The following THBS3 variants were observed in gnomAD, a reference collection of about 807,000 sequenced individuals.
The protein encoded by THBS3 is thrombospondin-3.
Under a neutral mutation model 118.3 loss-of-function variants are expected in THBS3, and 78 were observed. The ratio of observed to expected loss-of-function variants is 0.66; its 90% CI spans 0.55 to 0.80. THBS3 has a LOEUF of 0.80. Ranked by LOEUF, THBS3 falls within the 30% of genes least tolerant of loss-of-function variation. The probability of loss-of-function intolerance (pLI) is 0.00; values close to 1 mark genes in which losing one functional copy is unlikely to be tolerated. For synonymous variants in THBS3, 427 were observed against 475.3 expected, an observed-to-expected ratio of 0.90 and a Z score of 1.32; for missense variants, 1,057 against 1,247.4, an observed-to-expected ratio of 0.85 and a Z score of 2.30.
intron 5 of THBS3, 71 bp downstream of exon 5, chr1:155,203,442 G>C: frequency 6.2e-7 from 1 of 1,601,780 alleles, no homozygotes; most frequent in Admixed American, 1.7e-5. Context: ...AGAGGACTTA[G>C]TTTCAGGCAG....
rs759712626 is a variant in THBS3, at chr1:155,197,609, T to G, written c.2353A>C (p.Thr785Pro). Residue 785 changes from threonine (T) to proline (P), a missense_variant, in exon 20 of 23, where the codon ACA becomes CCA. Physicochemically the swap from Thr to Pro is conservative, Grantham distance 38. Coordinates refer to ENST00000368378, the MANE Select transcript of THBS3 (RefSeq NM_007112.5). This position sits in a 1 kb window ranked among gnomAD's most constrained non-coding sequence, Gnocchi z 5.0. ...VDFEGTFHVN[T>P]VTDDDYAGFL... ...CCTGCGTAGTCATCATCAGTCACTG[T>G]GTTCACATGGAAGGTGCCTTCAAAG... 4 of 1,613,486 alleles carry G rather than the reference T, an allele frequency of 2.5e-6. No individual in the cohort carries two copies. The Admixed American group carries it at 6.7e-5, about 27-fold the overall frequency.
At chr1:155,196,384 T>G in intron 21 of THBS3, 1 of 539,180 alleles carries the variant, frequency 1.9e-6, no homozygotes, top group South Asian at 2.4e-5. Context: ...TGGGTTGCCA[T>G]GACAATAAGC....
At chr1:155,196,517 C>A in intron 21 of THBS3, 1 of 242,850 alleles carries the variant, frequency 4.1e-6, no homozygotes. Flanking sequence ...TTCCTGGACT[C>A]TGGGCTCTTG....
At position 155,203,389 on chromosome 1, in the gene THBS3, G is replaced by T. The variant is rs142293248; in HGVS notation, c.674-84C>A. 4,609 of 1,585,676 alleles carry T rather than the reference G, an allele frequency of 2.9e-3. 21 individuals carry two copies. Among genetic ancestry groups the T allele is most frequent in the Non-Finnish European group, 3.6e-3 (4,158 of 1,163,114 alleles). Reference sequence around the variant, plus strand: ...TGGGCAATAAGCCAGTACCTGCCACGGCTGCCCACCCCTGCCTTTAAACCT... The same window carrying T: ...TGGGCAATAAGCCAGTACCTGCCACTGCTGCCCACCCCTGCCTTTAAACCT... On this transcript the variant is annotated intron_variant, in intron 5 of 22. Transcript: ENST00000368378.
In THBS3 at chr1:155,203,090, C is replaced by T. The variant is rs1670031371; in HGVS notation, c.804G>A (p.Val268=). Residue 268 remains valine (V), a synonymous_variant, in exon 7 of 23, where the codon GTG becomes GTA. Transcript: ENST00000368378. ...LIRNTIMECQ[V]CGFHEQRSHC... Reference sequence around the variant, plus strand: ...CTCCCCTGCTCTCCCACTCACCGCACACCTGACACTCCATAATGGTGTTTC... The same window carrying T: ...CTCCCCTGCTCTCCCACTCACCGCATACCTGACACTCCATAATGGTGTTTC... 1 of 1,614,216 alleles carries T rather than the reference C, an allele frequency of 6.2e-7. No homozygotes were observed. The highest frequency in any genetic ancestry group is 8.5e-7 in the Non-Finnish European group (1 of 1,180,038).
At position 155,196,367 on chromosome 1, in the gene THBS3, C is replaced by T. The variant is rs1668673917; in HGVS notation, c.2673-241G>A. 1.3e-5 allele frequency: 7 copies of T among 553,792 alleles called. No individual in the cohort carries two copies. The South Asian group carries it at 1.4e-4, about 11-fold the overall frequency. The allele number at this position is 553,792 out of a possible 1,614,324, so 34.3% of individuals were successfully genotyped here. ...CTCAAAGCACCAGCCGCATTCCAAG[C>T]GAGGATTGGGTTGCCATGACAATAA... On this transcript the variant is annotated intron_variant, in intron 21 of 22. Coordinates refer to ENST00000368378, the MANE Select transcript of THBS3 (RefSeq NM_007112.5).
chr1:155,201,409 T>A lies in THBS3; in HGVS notation c.1329+8A>T, dbSNP rs1405568871. ...CCCTTTTCCTTCCACGCCTGAAGCC[T>A]AGCTCACCTGGCAGGACACTGCACC... On this transcript the variant is annotated splice_region_variant and intron_variant, in intron 11 of 22. Coordinates refer to ENST00000368378, the MANE Select transcript of THBS3 (RefSeq NM_007112.5). 5.0e-6 allele frequency: 8 copies of A among 1,594,226 alleles called. No homozygotes were observed. The highest frequency in any genetic ancestry group is 4.3e-6 in the Non-Finnish European group (5 of 1,169,536).
chr1:155,206,120 A>G lies in THBS3; in HGVS notation c.286+80T>C. 6.6e-7 allele frequency: 1 copy of G among 1,525,186 alleles called. No homozygotes were observed. Among genetic ancestry groups the G allele is most frequent in the Admixed American group, 1.7e-5 (1 of 58,174 alleles). 94.5% of individuals were successfully genotyped at this position (1,525,186 alleles called of 1,614,324 possible). The stretch of plus-strand genomic sequence containing the variant: ...TCCCTAGTGGAGGCCAAGGAGAATG[A>G]GGAAGCACTTGGGAAGTAGGGATGA... On this transcript the variant is annotated intron_variant, in intron 2 of 22. Coordinates refer to ENST00000368378, the MANE Select transcript of THBS3 (RefSeq NM_007112.5). This position sits in a 1 kb window ranked among gnomAD's most constrained non-coding sequence, Gnocchi z 4.2.
rs1670110693 is a variant in THBS3, at chr1:155,203,523, G to A, written c.663C>T (p.His221=). The A allele has an allele frequency of 2.0e-5, 33 of 1,613,830 alleles. No homozygotes were observed. The highest frequency in any genetic ancestry group is 2.5e-5 in the Non-Finnish European group (30 of 1,179,988). ...GTGTGGCCTACTCACCTAGAATGGA[G>A]TGCAGTGCATTGGTCACTGGAGAGG... ...SIHSAVTNAL[H]SILGEQTKAL... is the part of the protein sequence containing the mutation. The change falls in exon 5 of 23, where the codon CAC becomes CAT. Residue 221 remains histidine (H), a synonymous_variant. Transcript: ENST00000368378.
At position 155,199,816 on chromosome 1, in the gene THBS3, G is replaced by C; in HGVS notation, c.1868C>G (p.Thr623Ser). Residue 623 changes from threonine to serine, a missense_variant, in exon 16 of 23, where the codon ACT becomes AGT. Thr to Ser is a moderately conservative substitution (Grantham distance 58). Coordinates refer to ENST00000368378, the MANE Select transcript of THBS3 (RefSeq NM_007112.5). ...DSDLVGDVCD[T>S]NEDSDGDGHQ... ...ACCAAGACCTTACCTGTCTTCATTAGTATCACAGACATCCCCCACCAGGTC... is the reference window on the plus strand; with the variant it reads ...ACCAAGACCTTACCTGTCTTCATTACTATCACAGACATCCCCCACCAGGTC... The C allele has an allele frequency of 6.2e-7, 1 of 1,614,198 alleles. No homozygotes were observed.
At position 155,197,491 on chromosome 1, in the gene THBS3, G is replaced by A. The variant is rs760564474; in HGVS notation, c.2471C>T (p.Ala824Val). The part of the protein sequence containing the change: ...QTYWQATPFR[A>V]VAQPGLQLKA... ...GAGCTGCAGCCCGGGCTGGGCAACCGCCCGGAAGGGTGTAGCCTGCCAGTA... is the reference window on the plus strand; with the variant it reads ...GAGCTGCAGCCCGGGCTGGGCAACCACCCGGAAGGGTGTAGCCTGCCAGTA... The change falls in exon 20 of 23, where the codon GCG (alanine) becomes GTG (valine). Residue 824 changes from alanine (A) to valine (V), a missense_variant. Ala to Val is a moderately conservative substitution (Grantham distance 64). Around this residue, in one of 3 missense-constraint regions of THBS3, gnomAD observed 307 missense variants for 326.1 expected, o/e 0.94. Transcript: ENST00000368378. The surrounding 1 kb of genome is among the most constrained non-coding windows in gnomAD (Gnocchi z 5.0). 36 of 1,613,630 alleles carry A rather than the reference G, an allele frequency of 2.2e-5. No homozygotes were observed. The highest frequency in any genetic ancestry group is 5.5e-5 in the South Asian group (5 of 91,062).
Position 155,201,435 on chromosome 1 carries a change from A to C in THBS3, c.1311T>G (p.Asn437Lys). ...AGCTCACCTGGCAGGACACTGCACC[A>C]TTGCGTTCAAAGAGACAGTGAGCAT... ...HIHAHCLFER[N>K]GAVSCQCNVG... The change falls in exon 11 of 23, where the codon AAT becomes AAG. Residue 437 changes from asparagine (N) to lysine (K), a missense_variant. By Grantham distance (94) the Asn-to-Lys change is moderately conservative. Coordinates refer to ENST00000368378, the MANE Select transcript of THBS3 (RefSeq NM_007112.5). The C allele has an allele frequency of 6.2e-7, 1 of 1,609,816 alleles. No individual in the cohort carries two copies. Among genetic ancestry groups the C allele is most frequent in the East Asian group, 2.2e-5 (1 of 44,860 alleles).
Position 155,195,665 on chromosome 1 carries a change from ACTT to A in THBS3, c.*173_*175del. The A allele has an allele frequency of 1.6e-6, 1 of 642,942 alleles. No homozygotes were observed. The highest frequency in any genetic ancestry group is 1.8e-5 in the South Asian group (1 of 54,716). The allele number at this position is 642,942 out of a possible 1,614,324, so 39.8% of individuals were successfully genotyped here. ...AGTGCCTGAGTAATACCCCTTGAAA[ACTT>A]CTCATCCCCTGAAGGGTGGGGTGAC... On this transcript the variant is annotated 3_prime_UTR_variant, in exon 23 of 23. Coordinates refer to ENST00000368378, the MANE Select transcript of THBS3 (RefSeq NM_007112.5).
In THBS3 at chr1:155,203,290, G is replaced by A. The variant is rs756307254; in HGVS notation, c.689C>T (p.Ala230Val). ...LHSILGEQTK[A>V]LVTQLTLFNQ... Reference sequence around the variant, plus strand: ...GAAGAGGGTGAGTTGGGTGACCAGCGCCTTGGTCTGCTCCCCTGTCGGGAC... The same window carrying A: ...GAAGAGGGTGAGTTGGGTGACCAGCACCTTGGTCTGCTCCCCTGTCGGGAC... The change falls in exon 6 of 23, where the codon GCG (alanine) becomes GTG (valine). Residue 230 changes from alanine (A) to valine (V), a missense_variant. Physicochemically the swap from Ala to Val is moderately conservative, Grantham distance 64 (BLOSUM62 0). This residue lies in a region of THBS3 where 544 missense variants were observed against 715.6 expected (regional missense o/e 0.76). Coordinates refer to ENST00000368378, the MANE Select transcript of THBS3 (RefSeq NM_007112.5). 1.1e-5 allele frequency: 18 copies of A among 1,613,904 alleles called. No homozygotes were observed. Among genetic ancestry groups the A allele is most frequent in the Admixed American group, 1.7e-5 (1 of 59,982 alleles).
intron 5 of THBS3, 62 bp from the exon 6 acceptor site, chr1:155,203,367 G>T: frequency 6.3e-7 from 1 of 1,598,430 alleles, no homozygotes; most frequent in Non-Finnish European, 8.5e-7. Context: ...CCCTCCATGG[G>T]CAATAAGCCA....
rs199642826 is a variant in THBS3, at chr1:155,205,053, G to A, written c.543+7C>T. Reference sequence around the variant, plus strand: ...TCCACAGAACTCAGAGGCTCCTCCCGGCTCACCTGCATCCTCAAATACGCC... The same window carrying A: ...TCCACAGAACTCAGAGGCTCCTCCCAGCTCACCTGCATCCTCAAATACGCC... On this transcript the variant is annotated splice_region_variant and intron_variant, in intron 3 of 22. Transcript: ENST00000368378. 51 of 1,612,726 alleles carry A rather than the reference G, an allele frequency of 3.2e-5. No homozygotes were observed. The highest frequency in any genetic ancestry group is 4.4e-5 in the South Asian group (4 of 91,016).
Position 155,197,825 on chromosome 1 carries a change from GC to G in THBS3, c.2302+54del. 1.2e-6 allele frequency: 2 copies of G among 1,611,274 alleles called. No individual in the cohort carries two copies. Among genetic ancestry groups the G allele is most frequent in the Non-Finnish European group, 1.7e-6 (2 of 1,177,688 alleles). The stretch of plus-strand genomic sequence containing the variant: ...CTGTCTGTTTCCTCCCCTACCCTCT[GC>G]CCCTATAGGATTCCTCCATTTGGAA... On this transcript the variant is annotated intron_variant, in intron 19 of 22. Transcript: ENST00000368378. This position sits in a 1 kb window ranked among gnomAD's most constrained non-coding sequence, Gnocchi z 5.0.
chr1:155,206,525 C>A lies in THBS3; in HGVS notation c.80-119G>T. The A allele has an allele frequency of 1.2e-6, 1 of 864,808 alleles. No homozygotes were observed. Among genetic ancestry groups the A allele is most frequent in the Non-Finnish European group, 1.8e-6 (1 of 551,986 alleles). The allele number at this position is 864,808 out of a possible 1,614,324, so 53.6% of individuals were successfully genotyped here. A position where few individuals can be genotyped will look rare whatever the true frequency, so the allele number is the denominator to read the frequency against. ...AGGCAGCGTTAGTCACCTCAAAATT[C>A]AACCCTTGGCTGGGCATGGTGGCTC... On this transcript the variant is annotated intron_variant, in intron 1 of 22. Transcript: ENST00000368378. The surrounding 1 kb of genome is among the most constrained non-coding windows in gnomAD (Gnocchi z 4.2).
At chr1:155,196,261 A>C (rs1396955903) in intron 21 of THBS3, 135 bp from the exon 22 acceptor site, 15 of 1,121,260 alleles carry the variant, frequency 1.3e-5, no homozygotes, top group Non-Finnish European at 1.5e-5. Context: ...GAGGGAGGGA[A>C]AGGGAGGCAG....
Sources: allele counts gnomAD v4.1 joint callset, GRCh38; gene constraint gnomAD v4.1.1; regional missense constraint gnomAD v4.1.1; non-coding constraint Gnocchi (gnomAD v3.1); transcripts MANE v1.5; gene names NCBI Gene and HGNC (gene_info 2026-07-23, HGNC 2026-07-21).